Variants in WDFY4 observed in about 807,000 individuals in gnomAD.
WDFY4 encodes WDFY family member 4, also known as WD repeat- and FYVE domain-containing protein 4.
WDFY4 carries 169 observed loss-of-function variants against 351.9 expected under a neutral mutation model. The observed-to-expected ratio is 0.48, with a 90% confidence interval of 0.42 to 0.55. WDFY4 has a LOEUF of 0.55. Among genes scored for constraint, WDFY4 ranks in the 20% least tolerant of loss-of-function variants. WDFY4 has a pLI of 0.00. For missense variants in WDFY4, 3,803 were observed against 3,935.6 expected (o/e 0.97, Z 0.90); for synonymous variants, 1,622 against 1,574.6 (o/e 1.03, Z -0.71).
intron 54 of WDFY4, among the ~76,000 whole-genome samples, chr10:48,965,047 T>G (rs1334568516): frequency 6.6e-6 from 1 of 152,186 alleles, no homozygotes; most frequent in East Asian, 1.9e-4. Context: ...TGGGAGGCTT[T>G]GTAGGAAGGA....
At chr10:48,847,517 T>C (rs949937736) in intron 39 of WDFY4, among the ~76,000 whole-genome samples, 1 of 152,048 alleles carries the variant, frequency 6.6e-6, no homozygotes, top group Non-Finnish European at 1.5e-5. Flanking sequence ...CCCCCTCCAG[T>C]AATCCCTAAC....
chr10:48,713,677 G>A (rs2132230016), intron 2 of WDFY4, among the ~76,000 whole-genome samples: 1 of 152,348 alleles, frequency 6.6e-6, no homozygotes, highest in East Asian at 1.9e-4. Context: ...CAGAACAGCA[G>A]GCTCCCTCCT....
chr10:48,702,913 C>T (rs187869111), intron 1 of WDFY4, among the ~76,000 whole-genome samples: 2 of 152,244 alleles, frequency 1.3e-5, no homozygotes, highest in East Asian at 3.9e-4. Flanking sequence ...TTGTTGAAGA[C>T]ATACTAATTG....
chr10:48,819,816 T>C (rs1212209727), intron 32 of WDFY4, among the ~76,000 whole-genome samples: 1 of 152,166 alleles, frequency 6.6e-6, no homozygotes, highest in Admixed American at 6.5e-5. Context: ...GCACCGACTC[T>C]CTCTGACTGT....
At chr10:48,920,122 A>G (rs1410534900) in intron 47 of WDFY4, among the ~76,000 whole-genome samples, 1 of 133,316 alleles carries the variant, frequency 7.5e-6, no homozygotes, top group Non-Finnish European at 1.8e-5. Context: ...CAGACTAAAA[A>G]GAAAAAAAAA....
At chr10:48,838,146 C>A (rs73312014) in intron 39 of WDFY4, among the ~76,000 whole-genome samples, 2 of 152,098 alleles carry the variant, frequency 1.3e-5, no homozygotes, top group African/African-American at 4.8e-5. Context: ...GAGGATGATC[C>A]GCTGGAATTG....
At position 48,729,491 on chromosome 10, in the gene WDFY4, T is replaced by C; in HGVS notation, c.1031T>C (p.Val344Ala). The C allele has an allele frequency of 1.9e-6, 3 of 1,551,626 alleles. No homozygotes were observed. Among genetic ancestry groups the C allele is most frequent in the Non-Finnish European group, 2.6e-6 (3 of 1,146,978 alleles). The change falls in exon 8 of 62, where the codon GTG becomes GCG. Residue 344 changes from valine (V) to alanine (A), a missense_variant. By Grantham distance (64) the Val-to-Ala change is moderately conservative. Around this residue, in one of 3 missense-constraint regions of WDFY4, gnomAD observed 488 missense variants for 456.8 expected, o/e 1.07. Coordinates refer to ENST00000325239, the MANE Select transcript of WDFY4 (RefSeq NM_001394531.1). ...DPHLEELLGL[V>A]VWLTTCGRSE... ...CATCTGGAGGAGCTCCTTGGGCTGG[T>C]GGTGTGGCTGACAACCTGTGGGAGG...
At chr10:48,711,400 T>G (rs1377324182) in intron 2 of WDFY4, among the ~76,000 whole-genome samples, 3 of 152,110 alleles carry the variant, frequency 2.0e-5, no homozygotes, top group Non-Finnish European at 2.9e-5. Flanking sequence ...GGTGCGACAG[T>G]CTTACCCCAG....
At chr10:48,851,491 C>T (rs988309400) in intron 39 of WDFY4, among the ~76,000 whole-genome samples, 25 of 152,172 alleles carry the variant, frequency 1.6e-4, no homozygotes, top group African/African-American at 6.0e-4. Context: ...GAGGACTCGG[C>T]GTCCCTCCCC....
chr10:48,871,778 G>T (rs1021841002), intron 40 of WDFY4, among the ~76,000 whole-genome samples: 16 of 152,126 alleles, frequency 1.1e-4, no homozygotes, highest in African/African-American at 3.9e-4. Flanking sequence ...TGTACATCTT[G>T]GAGTTTCTTA....
intron 24 of WDFY4, chr10:48,802,755 G>A (rs2067125753): frequency 4.2e-6 from 2 of 471,366 alleles, no homozygotes; most frequent in South Asian, 1.5e-5. Flanking sequence ...ACTGTGGTTT[G>A]GGCTGAAGAA....
chr10:48,725,778 G>C, intron 5 of WDFY4, 103 bp from the exon 6 acceptor site: 2 of 1,199,202 alleles, frequency 1.7e-6, no homozygotes, highest in Non-Finnish European at 2.3e-6. Context: ...CCTTCTCACA[G>C]AGACATGCTC....
At chr10:48,696,524 G>A (rs185396954) in intron 1 of WDFY4, among the ~76,000 whole-genome samples, 4 of 152,178 alleles carry the variant, frequency 2.6e-5, no homozygotes, top group Non-Finnish European at 4.4e-5. Context: ...ACATCTCTAC[G>A]GCCCTGTCCT....
At chr10:48,866,119 T>C (rs1021367265) in intron 39 of WDFY4, among the ~76,000 whole-genome samples, 1 of 152,166 alleles carries the variant, frequency 6.6e-6, no homozygotes, top group Non-Finnish European at 1.5e-5. Context: ...CCCTTCCTTC[T>C]ACTTGCTTTA....
At chr10:48,958,527 T>C (rs1432104454) in intron 52 of WDFY4, among the ~76,000 whole-genome samples, 1 of 152,064 alleles carries the variant, frequency 6.6e-6, no homozygotes, top group Non-Finnish European at 1.5e-5. Context: ...CTACCAGCAA[T>C]GGAGGCCAAG....
intron 28 of WDFY4, 139 bp from the exon 29 acceptor site, chr10:48,810,391 T>A: frequency 1.4e-6 from 1 of 740,360 alleles, no homozygotes; most frequent in Non-Finnish European, 2.1e-6. Context: ...CTATTCTTTT[T>A]AAATGTAATA....
intron 13 of WDFY4, among the ~76,000 whole-genome samples, chr10:48,766,288 T>C (rs1163676763): frequency 1.3e-5 from 2 of 152,176 alleles, no homozygotes; most frequent in African/African-American, 4.8e-5. Flanking sequence ...CTCATGGTAG[T>C]CTCTTAAAAA....
chr10:48,753,165 T>C (rs1295874570), intron 12 of WDFY4, among the ~76,000 whole-genome samples: 1 of 152,212 alleles, frequency 6.6e-6, no homozygotes, highest in Non-Finnish European at 1.5e-5. Context: ...TGTATATCTT[T>C]TTGGGGGAAA....
At chr10:48,784,601 G>A (rs1391465666) in intron 19 of WDFY4, among the ~76,000 whole-genome samples, 1 of 134,060 alleles carries the variant, frequency 7.5e-6, no homozygotes, top group African/African-American at 2.9e-5. Context: ...GAGTGAAGTG[G>A]TGCAATCTCG....
Sources: allele counts gnomAD v4.1 joint callset (sites outside exome capture counted in the v4.1 genomes callset), GRCh38; gene constraint gnomAD v4.1.1; regional missense constraint gnomAD v4.1.1; transcripts MANE v1.5; gene names NCBI Gene and HGNC (gene_info 2026-07-23, HGNC 2026-07-21).